The following NUB1 variants were observed in gnomAD, a reference collection of about 807,000 sequenced individuals.
NUB1 encodes the protein NEDD8 ultimate buster 1.
A neutral mutation model predicts 77.1 loss-of-function variants in NUB1; 41 were observed. That is an observed-to-expected ratio of 0.53 (90% confidence interval 0.41 to 0.69). The LOEUF is 0.69. NUB1 is among the 30% of genes least tolerant of loss of function. The pLI, the probability that NUB1 is intolerant of heterozygous loss-of-function variation, is 0.00. For missense variants in NUB1, 643 were observed against 743.8 expected, an observed-to-expected ratio of 0.86 and a Z score of 1.58; for synonymous variants, 257 against 281.0, an observed-to-expected ratio of 0.91 and a Z score of 0.85.
chr7:151,352,959 CTT>C, intron 5 of NUB1, 77 bp downstream of exon 5: 1 of 772,176 alleles, frequency 1.3e-6, no homozygotes, highest in South Asian at 1.8e-5. Context: ...TTCTCAATGT[CTT>C]TTCAAAAATT....
intron 8 of NUB1, among the ~76,000 whole-genome samples, chr7:151,364,145 G>A (rs1025461365): frequency 5.3e-5 from 8 of 150,650 alleles, no homozygotes; most frequent in African/African-American, 7.3e-5. Flanking sequence ...AAGCCTGGCC[G>A]GGCGCGGTGG....
In NUB1 at chr7:151,345,544, T is replaced by C. The variant is rs767256399; in HGVS notation, c.117+78T>C. 3.1e-4 allele frequency: 257 copies of C among 824,912 alleles called. 1 individual carries two copies. Among genetic ancestry groups the C allele is most frequent in the Non-Finnish European group, 4.2e-4 (224 of 527,080 alleles). The allele number at this position is 824,912 out of a possible 1,614,324, so 51.1% of individuals were successfully genotyped here. ...AAATAAGATTCTGAATTGTCAGGCA[T>C]GACCATATAAACTTTTGGCATAACC... On this transcript the variant is annotated intron_variant, in intron 2 of 14. Transcript: ENST00000568733.
chr7:151,343,051 C>A (rs1373460782), intron 1 of NUB1, among the ~76,000 whole-genome samples: 2 of 152,146 alleles, frequency 1.3e-5, no homozygotes, highest in Non-Finnish European at 2.9e-5. Flanking sequence ...ATTACTGTCC[C>A]CCAGTGGGGA....
At chr7:151,375,322 C>T (rs951463521) in intron 12 of NUB1, among the ~76,000 whole-genome samples, 3 of 151,996 alleles carry the variant, frequency 2.0e-5, no homozygotes, top group African/African-American at 7.3e-5. Context: ...ACTGATGGGT[C>T]TCAAAATAGA....
intron 1 of NUB1, among the ~76,000 whole-genome samples, chr7:151,344,812 C>T (rs1796405657): frequency 6.6e-6 from 1 of 151,976 alleles, no homozygotes; most frequent in South Asian, 2.1e-4. Context: ...CCAGCCTGGC[C>T]AACATGGCGA....
At chr7:151,376,393 C>G in intron 13 of NUB1, 1 of 528,950 alleles carries the variant, frequency 1.9e-6, no homozygotes, top group Non-Finnish European at 3.4e-6. Context: ...CTGCTCTCAG[C>G]CCGAGGTCAC....
intron 8 of NUB1, among the ~76,000 whole-genome samples, chr7:151,365,759 TG>T (rs542056043): frequency 4.6e-5 from 7 of 152,330 alleles, no homozygotes; most frequent in African/African-American, 1.2e-4. Context: ...TTAGAAATGT[TG>T]AGAGAGATGA....
intron 5 of NUB1, among the ~76,000 whole-genome samples, chr7:151,353,815 C>T (rs1254986010): frequency 6.6e-6 from 1 of 152,224 alleles, no homozygotes; most frequent in Non-Finnish European, 1.5e-5. Flanking sequence ...CATTTCTTAG[C>T]TTGATCTAAG....
At chr7:151,348,353 A>T (rs183661346) in intron 2 of NUB1, among the ~76,000 whole-genome samples, 154 of 152,124 alleles carry the variant, frequency 1.0e-3, no homozygotes, top group Non-Finnish European at 1.8e-3. Flanking sequence ...ATTTGTTCTC[A>T]CAAGTTTGAA....
At chr7:151,354,857 C>T (rs561675803) in intron 5 of NUB1, among the ~76,000 whole-genome samples, 5 of 152,224 alleles carry the variant, frequency 3.3e-5, no homozygotes, top group Non-Finnish European at 7.3e-5. Flanking sequence ...ATCCTCCCAC[C>T]TCAGCTTCCC....
chr7:151,376,366 G>A lies in NUB1; in HGVS notation c.1492-268G>A, dbSNP rs941267447. The A allele has an allele frequency of 9.8e-6, 5 of 508,878 alleles. No individual in the cohort carries two copies. The Admixed American group carries it at 1.7e-4, about 18-fold the overall frequency. The allele number at this position is 508,878 out of a possible 1,614,324, so 31.5% of individuals were successfully genotyped here. A position where few individuals can be genotyped will look rare whatever the true frequency, so the allele number is the denominator to read the frequency against. ...CCACTGACCTCGCGGTGCTCGTGGT[G>A]AGGCTGGTGTGGCGCCCTGCTCTCA... On this transcript the variant is annotated intron_variant, in intron 13 of 14. Transcript: ENST00000568733.
intron 2 of NUB1, among the ~76,000 whole-genome samples, chr7:151,348,539 C>T (rs1490666501): frequency 7.2e-6 from 1 of 138,230 alleles, no homozygotes; most frequent in Non-Finnish European, 1.6e-5. Flanking sequence ...AAACATTTAT[C>T]AAATAAATGT....
intron 11 of NUB1, among the ~76,000 whole-genome samples, chr7:151,371,316 G>C (rs956695656): frequency 6.6e-6 from 1 of 152,164 alleles, no homozygotes; most frequent in African/African-American, 2.4e-5. Flanking sequence ...GATTCATTCA[G>C]TGGCTTACTG....
At chr7:151,350,526 A>G (rs1796743667) in intron 3 of NUB1, among the ~76,000 whole-genome samples, 1 of 152,182 alleles carries the variant, frequency 6.6e-6, no homozygotes, top group African/African-American at 2.4e-5. Flanking sequence ...GTCACTTCTC[A>G]CTGTGTCCCT....
chr7:151,376,098 A>G (rs900298760), intron 13 of NUB1, 155 bp downstream of exon 13: 8 of 621,506 alleles, frequency 1.3e-5, no homozygotes, highest in Non-Finnish European at 2.0e-5. Context: ...GAGGCCACCC[A>G]CGCAGTAACA....
chr7:151,356,324 A>G, intron 7 of NUB1, 102 bp downstream of exon 7: 1 of 836,160 alleles, frequency 1.2e-6, no homozygotes, highest in Middle Eastern at 2.9e-4. Flanking sequence ...AGGGTTGGAA[A>G]CAGTGCTCCA....
At chr7:151,369,481 G>A (rs761385889) in intron 11 of NUB1, among the ~76,000 whole-genome samples, 10 of 152,036 alleles carry the variant, frequency 6.6e-5, no homozygotes, top group African/African-American at 2.4e-4. Flanking sequence ...TTAAAGTTGG[G>A]GATTGCATCC....
chr7:151,368,838 G>A lies in NUB1; in HGVS notation c.1199G>A (p.Cys400Tyr), dbSNP rs369377894. 1.3e-5 allele frequency: 21 copies of A among 1,613,924 alleles called. No individual in the cohort carries two copies. In the African/African-American group the frequency reaches 2.7e-4, roughly 21 times the overall value. The change falls in exon 11 of 15, where the codon TGT (cysteine) becomes TAT (tyrosine). Residue 400 changes from cysteine (C) to tyrosine (Y), a missense_variant. By Grantham distance (194) the Cys-to-Tyr change is radical. Coordinates refer to ENST00000568733, the MANE Select transcript of NUB1 (RefSeq NM_001243351.2). ...AQEARLGLRA[C>Y]DGNVDHAATH... is the part of the protein sequence containing the mutation. ...GAAGCCCGGCTTGGCCTGAGGGCGT[G>A]TGATGGGAACGTGGATCATGCGGCC... is the stretch of plus-strand genomic sequence containing the variant.
At position 151,355,802 on chromosome 7, in the gene NUB1, T is replaced by C. The variant is rs1224183882; in HGVS notation, c.450T>C (p.Asn150=). 3.1e-6 allele frequency: 5 copies of C among 1,606,568 alleles called. No individual in the cohort carries two copies. Among genetic ancestry groups the C allele is most frequent in the Non-Finnish European group, 4.3e-6 (5 of 1,176,288 alleles). The change falls in exon 6 of 15, where the codon AAT becomes AAC. Residue 150 remains asparagine, a synonymous_variant. Coordinates refer to ENST00000568733, the MANE Select transcript of NUB1 (RefSeq NM_001243351.2). ...KTLEEQGVAH[N]VKAMVLELKQ... is the part of the protein sequence containing the mutation. ...TTGAAGAACAAGGCGTGGCTCACAA[T>C]GTGAAAGCGATGGTGCTTGAACTAA...
Sources: allele counts gnomAD v4.1 joint callset (sites outside exome capture counted in the v4.1 genomes callset), GRCh38; gene constraint gnomAD v4.1.1; transcripts MANE v1.5; gene names NCBI Gene and HGNC (gene_info 2026-07-23, HGNC 2026-07-21).